Variants in SEZ6L observed in about 807,000 individuals in gnomAD.
SEZ6L encodes seizure related 6 homolog like.
Under a neutral mutation model 106.2 loss-of-function variants are expected in SEZ6L, and 37 were observed. The observed-to-expected ratio is 0.35, with a 90% CI of 0.27 to 0.46. The LOEUF (loss-of-function observed/expected upper bound fraction) is 0.46. Ranked by LOEUF, SEZ6L falls within the 20% of genes least tolerant of loss-of-function variation. The pLI is 1.00. For synonymous variants in SEZ6L, 541 were observed against 570.4 expected, an observed-to-expected ratio of 0.95 and a Z score of 0.73; for missense variants, 1,172 against 1,332.8, an observed-to-expected ratio of 0.88 and a Z score of 1.88.
chr22:26,289,711 C>T (rs2081048936), intron 1 of SEZ6L, among the ~76,000 whole-genome samples: 1 of 152,156 alleles, frequency 6.6e-6, no homozygotes, highest in African/African-American at 2.4e-5. Flanking sequence ...CTGTTGCAGT[C>T]TATATAGATT....
chr22:26,292,234 G>C (rs555553516), intron 1 of SEZ6L, 172 bp from the exon 2 acceptor site: 37 of 578,620 alleles, frequency 6.4e-5, no homozygotes, highest in Non-Finnish European at 1.1e-4. Flanking sequence ...GGGAGAGAGG[G>C]AAGGAGGAGA....
At chr22:26,193,827 G>T (rs1940407944) in intron 1 of SEZ6L, among the ~76,000 whole-genome samples, 1 of 152,186 alleles carries the variant, frequency 6.6e-6, no homozygotes, top group African/African-American at 2.4e-5. Flanking sequence ...TGACGTGTAT[G>T]CAGTACACTC....
chr22:26,221,821 G>A (rs969539), intron 1 of SEZ6L, among the ~76,000 whole-genome samples: 47,137 of 151,900 alleles, frequency 0.31, 9,392 homozygotes, highest in Non-Finnish European at 0.44. Flanking sequence ...GTTGATTTCT[G>A]CTTGGACCCA....
chr22:26,289,137 T>C (rs1013994789), intron 1 of SEZ6L, among the ~76,000 whole-genome samples: 1 of 152,234 alleles, frequency 6.6e-6, no homozygotes, highest in Non-Finnish European at 1.5e-5. Context: ...AAAGTCATGC[T>C]AGTGAATAGT....
At chr22:26,372,013 C>T (rs2146076953) in intron 13 of SEZ6L, among the ~76,000 whole-genome samples, 1 of 152,330 alleles carries the variant, frequency 6.6e-6, no homozygotes, top group South Asian at 2.1e-4. Flanking sequence ...GACTTGGGGA[C>T]CCCGGGCTCC....
chr22:26,348,604 GAA>G (rs2083105429), intron 11 of SEZ6L, among the ~76,000 whole-genome samples: 7 of 62,908 alleles, frequency 1.1e-4, no homozygotes, highest in East Asian at 1.2e-3. Context: ...AAGAAAGAAA[GAA>G]AGAGAAAAAG....
intron 6 of SEZ6L, among the ~76,000 whole-genome samples, chr22:26,306,676 C>T (rs6004997): frequency 2.0e-4 from 30 of 152,246 alleles, no homozygotes; most frequent in African/African-American, 6.7e-4. Flanking sequence ...TGCATAGAAT[C>T]CAGAATTATA....
chr22:26,201,121 C>T (rs893819172), intron 1 of SEZ6L, among the ~76,000 whole-genome samples: 6 of 152,160 alleles, frequency 3.9e-5, no homozygotes, highest in African/African-American at 7.2e-5. Flanking sequence ...CTCAGCTGAA[C>T]TGTAAGCTCT....
chr22:26,374,948 A>T (rs1184820005), intron 14 of SEZ6L, among the ~76,000 whole-genome samples: 3 of 152,150 alleles, frequency 2.0e-5, no homozygotes, highest in East Asian at 3.9e-4. Flanking sequence ...GGTGTGCAGG[A>T]CAGAGAGCTG....
intron 1 of SEZ6L, among the ~76,000 whole-genome samples, chr22:26,170,924 C>T (rs1473942511): frequency 6.6e-6 from 1 of 152,206 alleles, no homozygotes; most frequent in Non-Finnish European, 1.5e-5. Flanking sequence ...GGGGGACAGG[C>T]GGTGTTCTTC....
intron 1 of SEZ6L, among the ~76,000 whole-genome samples, chr22:26,208,880 G>C (rs1218070366): frequency 6.7e-6 from 1 of 150,128 alleles, no homozygotes; most frequent in African/African-American, 2.4e-5. Context: ...GTGTGTGTGT[G>C]TGTGTGTGTG....
At chr22:26,371,855 C>T (rs1056218440) in intron 13 of SEZ6L, among the ~76,000 whole-genome samples, 1 of 152,186 alleles carries the variant, frequency 6.6e-6, no homozygotes, top group Non-Finnish European at 1.5e-5. Context: ...TTTCTTCCCT[C>T]TCCATTTCCA....
chr22:26,188,189 TA>T (rs1939927876), intron 1 of SEZ6L, among the ~76,000 whole-genome samples: 1 of 152,220 alleles, frequency 6.6e-6, no homozygotes, highest in African/African-American at 2.4e-5. Flanking sequence ...TCAGCTGAGT[TA>T]GGGGCATCGC....
chr22:26,366,030 T>C (rs1273369059), intron 13 of SEZ6L, among the ~76,000 whole-genome samples: 1 of 152,182 alleles, frequency 6.6e-6, no homozygotes. Flanking sequence ...TTTTTATTTT[T>C]ACTTACTAAA....
chr22:26,310,029 A>T (rs620823), intron 6 of SEZ6L, among the ~76,000 whole-genome samples: 1 of 151,936 alleles, frequency 6.6e-6, no homozygotes, highest in African/African-American at 2.4e-5. Flanking sequence ...GCCACCATTT[A>T]GGCAATGAGA....
chr22:26,372,297 G>A (rs1367784829), intron 13 of SEZ6L, among the ~76,000 whole-genome samples: 1 of 152,152 alleles, frequency 6.6e-6, no homozygotes, highest in Non-Finnish European at 1.5e-5. Flanking sequence ...GGGCTCCAAG[G>A]AACACATGAT....
In SEZ6L at chr22:26,348,646, A is replaced by AAGAGAAAGAAAGAAAG. The variant is rs1556371589; in HGVS notation, c.2407+734_2407+735insGAGAAAGAAAGAAAGA. ...AAAGAAAGAAAGAAAGAAAGAAAGA[A>AAGAGAAAGAAAGAAAG]AAAGAAAGAAAGAAAGAAAGAAAGA... On this transcript the variant is annotated intron_variant, in intron 11 of 16. Coordinates refer to ENST00000248933, the MANE Select transcript of SEZ6L (RefSeq NM_021115.5). 2.1e-3 allele frequency among the ~76,000 whole-genome samples: 16 copies of AAGAGAAAGAAAGAAAG among 7,694 alleles called. 1 individual carries two copies. The highest frequency in any genetic ancestry group is 0.013 in the African/African-American group (16 of 1,262). The allele number at this position is 7,694 out of a possible 152,430, so 5.0% of individuals were successfully genotyped here.
rs137198 is a variant in SEZ6L at position 26,284,604 on chromosome 22, CAAAA to C, written c.95-7777_95-7774del. Reference sequence around the variant, plus strand: ...CAGCCTTGATGACAGATCAGGACTCCAAAAAAAAAAAAAAAAAAAAAAAAAAAAC... The same window carrying C: ...CAGCCTTGATGACAGATCAGGACTCCAAAAAAAAAAAAAAAAAAAAAAAAC... On this transcript the variant is annotated intron_variant, in intron 1 of 16. Transcript: ENST00000248933. Among the ~76,000 whole-genome samples the C allele has an allele frequency of 1.2e-3, 79 of 64,034 alleles. No homozygotes were observed. In the East Asian group the frequency reaches 0.039, roughly 32 times the overall value. The allele number at this position is 64,034 out of a possible 152,430, so 42.0% of individuals were successfully genotyped here. A position where few individuals can be genotyped will look rare whatever the true frequency, so the allele number is the denominator to read the frequency against.
At chr22:26,310,534 CA>C (rs35444510) in intron 6 of SEZ6L, 135 bp from the exon 7 acceptor site, 744 of 895,976 alleles carry the variant, frequency 8.3e-4, no homozygotes, top group Middle Eastern at 3.7e-3. Flanking sequence ...GAAACTCTGT[CA>C]AAAAAAAAGA....
Sources: allele counts gnomAD v4.1 joint callset (sites outside exome capture counted in the v4.1 genomes callset), GRCh38; gene constraint gnomAD v4.1.1; transcripts MANE v1.5; gene names NCBI Gene and HGNC (gene_info 2026-07-23, HGNC 2026-07-21).